Variants in EFNA5 observed in about 807,000 individuals in gnomAD.
EFNA5 encodes ephrin-A5.
Under a neutral mutation model 22.9 loss-of-function variants are expected in EFNA5, and 5 were observed. The observed-to-expected ratio is 0.22, with a 90% CI of 0.11 to 0.46. The LOEUF (loss-of-function observed/expected upper bound fraction) is 0.46, where lower values mean the gene tolerates loss of function less well. Among genes scored for constraint, EFNA5 ranks in the 20% least tolerant of loss-of-function variants. EFNA5 has a pLI of 0.99. For missense variants in EFNA5, 237 were observed against 293.3 expected (o/e 0.81, Z 1.40); for synonymous variants, 113 against 112.2 (o/e 1.01, Z -0.04).
intron 1 of EFNA5, among the ~76,000 whole-genome samples, chr5:107,452,898 A>G (rs1410468254): frequency 6.6e-6 from 1 of 152,178 alleles, no homozygotes; most frequent in African/African-American, 2.4e-5. Flanking sequence ...AAAACACAAA[A>G]TATTTCAGTA....
chr5:107,486,015 C>A (rs1746609908), intron 1 of EFNA5, among the ~76,000 whole-genome samples: 1 of 152,114 alleles, frequency 6.6e-6, no homozygotes, highest in African/African-American at 2.4e-5. Flanking sequence ...AAGACAATGT[C>A]ATGTTGAGGG....
intron 1 of EFNA5, among the ~76,000 whole-genome samples, chr5:107,622,231 C>T (rs1750051467): frequency 6.6e-6 from 1 of 152,112 alleles, no homozygotes; most frequent in South Asian, 2.1e-4. Context: ...CATTGTGAGC[C>T]ATAAGGACAT....
intron 1 of EFNA5, among the ~76,000 whole-genome samples, chr5:107,524,368 C>T (rs1427853192): frequency 4.6e-5 from 7 of 152,122 alleles, no homozygotes; most frequent in Admixed American, 3.3e-4. Context: ...CAGAAAATGG[C>T]CCACAGCACA....
In EFNA5 at chr5:107,458,416, A is replaced by G. The variant is rs536225218; in HGVS notation, c.126-30907T>C. On this transcript the variant is annotated intron_variant, in intron 1 of 4. Transcript: ENST00000333274. Reference sequence around the variant, plus strand: ...GAGATGTAAAGGTGGGATCCCAAATATAGCCTTGGAGATAAGAAAAGGCTT... The same window carrying G: ...GAGATGTAAAGGTGGGATCCCAAATGTAGCCTTGGAGATAAGAAAAGGCTT... Among the ~76,000 whole-genome samples, 5 of 152,152 alleles carry G rather than the reference A, an allele frequency of 3.3e-5. No individual in the cohort carries two copies. The South Asian group carries it at 1.0e-3, about 32-fold the overall frequency.
At chr5:107,544,676 G>A (rs1481736592) in intron 1 of EFNA5, among the ~76,000 whole-genome samples, 1 of 152,088 alleles carries the variant, frequency 6.6e-6, no homozygotes, top group Non-Finnish European at 1.5e-5. Flanking sequence ...CCTCCTCAGT[G>A]TTCTTGGGAT....
intron 1 of EFNA5, among the ~76,000 whole-genome samples, chr5:107,499,284 T>C (rs556686245): frequency 6.6e-6 from 1 of 152,196 alleles, no homozygotes; most frequent in Non-Finnish European, 1.5e-5. Context: ...GCCAGGGATA[T>C]ACTCTTCTCC....
intron 2 of EFNA5, among the ~76,000 whole-genome samples, chr5:107,404,645 G>A (rs944054832): frequency 3.9e-5 from 6 of 152,186 alleles, no homozygotes; most frequent in African/African-American, 1.4e-4. Flanking sequence ...GTCATACATA[G>A]CTAGTGTAGG....
At chr5:107,598,348 G>A (rs1344896405) in intron 1 of EFNA5, among the ~76,000 whole-genome samples, 1 of 152,078 alleles carries the variant, frequency 6.6e-6, no homozygotes, top group Non-Finnish European at 1.5e-5. Flanking sequence ...ACACCAAATT[G>A]AGTGGAAGAG....
At chr5:107,560,275 G>C (rs903982543) in intron 1 of EFNA5, among the ~76,000 whole-genome samples, 3 of 152,146 alleles carry the variant, frequency 2.0e-5, no homozygotes, top group African/African-American at 7.2e-5. Flanking sequence ...GTTATTAAAA[G>C]CAACAGGCCA....
chr5:107,416,876 C>T (rs1477882659), intron 2 of EFNA5, among the ~76,000 whole-genome samples: 3 of 152,058 alleles, frequency 2.0e-5, no homozygotes, highest in Non-Finnish European at 4.4e-5. Context: ...GCAAGTATGT[C>T]TGAAATCAAG....
At chr5:107,391,881 C>T (rs961927383) in intron 2 of EFNA5, among the ~76,000 whole-genome samples, 2 of 152,148 alleles carry the variant, frequency 1.3e-5, no homozygotes, top group African/African-American at 4.8e-5. Flanking sequence ...GCTAATAAGG[C>T]CATGAGGGCC....
chr5:107,584,429 C>G (rs1749133721), intron 1 of EFNA5, among the ~76,000 whole-genome samples: 1 of 152,160 alleles, frequency 6.6e-6, no homozygotes, highest in Non-Finnish European at 1.5e-5. Context: ...AAGGCACAGT[C>G]CAGGTAGCTG....
At chr5:107,583,301 G>A (rs1163494243) in intron 1 of EFNA5, among the ~76,000 whole-genome samples, 5 of 152,118 alleles carry the variant, frequency 3.3e-5, no homozygotes, top group African/African-American at 1.2e-4. Flanking sequence ...TCAAAGTGAA[G>A]TAGGAATAAT....
chr5:107,631,569 T>C (rs867998364), intron 1 of EFNA5, among the ~76,000 whole-genome samples: 5 of 152,098 alleles, frequency 3.3e-5, no homozygotes, highest in African/African-American at 1.2e-4. Flanking sequence ...AAAACACTGA[T>C]GGATATGAAA....
At chr5:107,490,975 C>T (rs1746789887) in intron 1 of EFNA5, among the ~76,000 whole-genome samples, 1 of 152,164 alleles carries the variant, frequency 6.6e-6, no homozygotes, top group Non-Finnish European at 1.5e-5. Flanking sequence ...AAACTCAGCT[C>T]CTAGAAAGCA....
chr5:107,394,637 T>C (rs927419335), intron 2 of EFNA5, among the ~76,000 whole-genome samples: 1 of 152,178 alleles, frequency 6.6e-6, no homozygotes, highest in African/African-American at 2.4e-5. Context: ...TCCTACCCAC[T>C]GTTTGCCTTC....
intron 1 of EFNA5, among the ~76,000 whole-genome samples, chr5:107,664,913 T>C (rs1470359067): frequency 6.6e-6 from 1 of 152,164 alleles, no homozygotes; most frequent in Non-Finnish European, 1.5e-5. Flanking sequence ...CACAGCTTTT[T>C]AAGTCTTTAT....
chr5:107,406,471 A>G (rs1238071997), intron 2 of EFNA5, among the ~76,000 whole-genome samples: 1 of 152,052 alleles, frequency 6.6e-6, no homozygotes, highest in Non-Finnish European at 1.5e-5. Context: ...AAATAGACAC[A>G]TGGATTGCTT....
At chr5:107,465,859 C>T (rs1200498756) in intron 1 of EFNA5, among the ~76,000 whole-genome samples, 1 of 151,898 alleles carries the variant, frequency 6.6e-6, no homozygotes, top group African/African-American at 2.4e-5. Context: ...CACTGAAAAA[C>T]AAAGAAAAAG....
Sources: allele counts gnomAD v4.1 joint callset (sites outside exome capture counted in the v4.1 genomes callset), GRCh38; gene constraint gnomAD v4.1.1; transcripts MANE v1.5; gene names NCBI Gene and HGNC (gene_info 2026-07-23, HGNC 2026-07-21).